PANK2: variants seen among roughly 807,000 people sequenced by gnomAD.
PANK2 encodes the protein pantothenate kinase 2, mitochondrial.
A neutral mutation model predicts 43.1 loss-of-function variants in PANK2; 36 were observed. That is an observed-to-expected ratio of 0.84 (90% CI 0.64 to 1.10). The LOEUF is 1.10. Among genes scored for constraint, PANK2 ranks in the 50% least tolerant of loss-of-function variants. The pLI is 0.00. For synonymous variants in PANK2, 281 were observed against 238.2 expected (o/e 1.18, Z -1.66); for missense variants, 576 against 593.3 (o/e 0.97, Z 0.30).
chr20:3,894,639 C>A (rs1289839896), intron 1 of PANK2, among the ~76,000 whole-genome samples: 1 of 151,464 alleles, frequency 6.6e-6, no homozygotes, highest in East Asian at 1.9e-4. Context: ...AGTGCAGTGG[C>A]AGGATTTTGG....
At position 3,925,843 on chromosome 20, in the gene PANK2, A is replaced by C. The variant is rs987406408; in HGVS notation, c.*2549A>C. 6.6e-6 allele frequency: 1 copy of C among 152,250 alleles called. No homozygotes were observed. Among genetic ancestry groups the C allele is most frequent in the African/African-American group, 2.4e-5 (1 of 41,416 alleles). 9.4% of individuals were successfully genotyped at this position (152,250 alleles called of 1,614,324 possible). A position where few individuals can be genotyped will look rare whatever the true frequency, so the allele number is the denominator to read the frequency against. On this transcript the variant is annotated 3_prime_UTR_variant, in exon 7 of 7. Transcript: ENST00000610179. The stretch of plus-strand genomic sequence containing the variant: ...CTGCATTTGTTGATCTCTGTGCAGC[A>C]GTGCCCACATCCTCATCCCAGCTTA...
At chr20:3,902,814 T>G (rs1330026717) in intron 1 of PANK2, among the ~76,000 whole-genome samples, 1 of 151,976 alleles carries the variant, frequency 6.6e-6, no homozygotes, top group Non-Finnish European at 1.5e-5. Context: ...TCTATTTGTT[T>G]TTTCTGTGCC....
intron 1 of PANK2, among the ~76,000 whole-genome samples, chr20:3,902,869 G>GT (rs1378601708): frequency 2.0e-5 from 3 of 151,434 alleles, no homozygotes; most frequent in Non-Finnish European, 2.9e-5. Flanking sequence ...TTTAGCAATT[G>GT]TTTTTTCTCT....
chr20:3,910,931 AGT>A, intron 3 of PANK2, 101 bp downstream of exon 3: 1 of 1,429,880 alleles, frequency 7.0e-7, no homozygotes, highest in Non-Finnish European at 9.8e-7. Context: ...GTTAGGTGAA[AGT>A]GTTTCTGGAT....
Position 3,910,766 on chromosome 20 carries a change from G to T in PANK2, c.841G>T (p.Gly281Cys). 1 of 1,614,090 alleles carries T rather than the reference G, an allele frequency of 6.2e-7. No homozygotes were observed. The highest frequency in any genetic ancestry group is 1.1e-5 in the South Asian group (1 of 91,070). ...GTATCCTCTGCTTCTGGTGAACATT[G>T]GCTCAGGGGTTAGCATCTTAGCAGT... Residue 281 changes from glycine (G) to cysteine (C), a missense_variant, in exon 3 of 7, where the codon GGC becomes TGC. By Grantham distance (159) the Gly-to-Cys change is radical (BLOSUM62 -3). This residue lies in a region of PANK2 where 544 missense variants were observed against 528.9 expected (regional missense o/e 1.03). Coordinates refer to ENST00000610179, the MANE Select transcript of PANK2 (RefSeq NM_001386393.1).
chr20:3,893,469 C>T (rs116736611), intron 1 of PANK2, among the ~76,000 whole-genome samples: 1 of 152,222 alleles, frequency 6.6e-6, no homozygotes, highest in African/African-American at 2.4e-5. Context: ...AACAAGAGAA[C>T]ATACATTTTT....
At chr20:3,903,002 C>G (rs1025953819) in intron 1 of PANK2, among the ~76,000 whole-genome samples, 1 of 151,308 alleles carries the variant, frequency 6.6e-6, no homozygotes, top group Non-Finnish European at 1.5e-5. Context: ...CACACACACA[C>G]ACACACACAC....
intron 4 of PANK2, among the ~76,000 whole-genome samples, chr20:3,913,496 A>G (rs541805328): frequency 1.8e-4 from 27 of 152,030 alleles, no homozygotes; most frequent in Middle Eastern, 3.4e-3. Context: ...GGCATGCGCC[A>G]CCAAGCCTGG....
chr20:3,916,860 A>C, intron 4 of PANK2, 67 bp from the exon 5 acceptor site: 2 of 1,603,856 alleles, frequency 1.2e-6, no homozygotes, highest in Non-Finnish European at 1.7e-6. Flanking sequence ...CAATAAAGTA[A>C]CATTCAAGTT....
intron 1 of PANK2, among the ~76,000 whole-genome samples, chr20:3,899,830 C>G (rs1315968675): frequency 6.6e-6 from 1 of 151,510 alleles, no homozygotes; most frequent in African/African-American, 2.4e-5. Flanking sequence ...GCCTCAGCCT[C>G]CCAAGTAGCT....
rs35978823 is a variant in PANK2 at position 3,896,229 on chromosome 20, A to ATT, written c.298+6522_298+6523dup. On this transcript the variant is annotated intron_variant, in intron 1 of 6. Coordinates refer to ENST00000610179, the MANE Select transcript of PANK2 (RefSeq NM_001386393.1). ...AGGTGCCCGCCACCACGCCTGGCTA[A>ATT]TTTTTTTTTTTTTTTTTTTTTTGTA... Among the ~76,000 whole-genome samples the ATT allele has an allele frequency of 1.2e-3, 135 of 111,928 alleles. No homozygotes were observed. In the East Asian group the frequency reaches 0.021, roughly 18 times the overall value. 73.4% of individuals were successfully genotyped at this position (111,928 alleles called of 152,430 possible). A position where few individuals can be genotyped will look rare whatever the true frequency, so the allele number is the denominator to read the frequency against.
At chr20:3,913,581 C>T (rs144524293) in intron 4 of PANK2, among the ~76,000 whole-genome samples, 32 of 151,932 alleles carry the variant, frequency 2.1e-4, no homozygotes, top group East Asian at 7.7e-4. Flanking sequence ...GGTGATCTGC[C>T]GCCTCAGCCT....
chr20:3,896,879 C>G (rs768393875), intron 1 of PANK2, among the ~76,000 whole-genome samples: 6 of 152,226 alleles, frequency 3.9e-5, no homozygotes, highest in Non-Finnish European at 7.3e-5. Flanking sequence ...GTGATCCAGT[C>G]TAGCAAATTA....
In PANK2 at chr20:3,910,786, A is replaced by G; in HGVS notation, c.861A>G (p.Leu287=). The G allele has an allele frequency of 6.2e-7, 1 of 1,614,176 alleles. No homozygotes were observed. Among genetic ancestry groups the G allele is most frequent in the Non-Finnish European group, 8.5e-7 (1 of 1,179,998 alleles). The change falls in exon 3 of 7, where the codon TTA becomes TTG. Residue 287 remains leucine, a synonymous_variant. Coordinates refer to ENST00000610179, the MANE Select transcript of PANK2 (RefSeq NM_001386393.1). Reference sequence around the variant, plus strand: ...ACATTGGCTCAGGGGTTAGCATCTTAGCAGTATATTCCAAAGATAATTACA... The same window carrying G: ...ACATTGGCTCAGGGGTTAGCATCTTGGCAGTATATTCCAAAGATAATTACA...
At chr20:3,912,423 T>C (rs758094288) in intron 3 of PANK2, 35 bp from the exon 4 acceptor site, 2 of 1,605,232 alleles carry the variant, frequency 1.2e-6, no homozygotes, top group Non-Finnish European at 1.7e-6. Flanking sequence ...TTTTTAAAAA[T>C]GTTATAATAC....
chr20:3,919,736 C>G (rs2090618998), intron 6 of PANK2, among the ~76,000 whole-genome samples: 1 of 151,908 alleles, frequency 6.6e-6, no homozygotes, highest in South Asian at 2.1e-4. Flanking sequence ...ACTATTCTTT[C>G]AACTGTTCTT....
chr20:3,910,339 T>C (rs1214227947), intron 2 of PANK2, among the ~76,000 whole-genome samples: 2 of 151,544 alleles, frequency 1.3e-5, no homozygotes, highest in East Asian at 1.9e-4. Context: ...GTCACACTTA[T>C]TCAGCTGCTG....
chr20:3,923,166 A>G, intron 6 of PANK2, 78 bp from the exon 7 acceptor site: 5 of 1,520,554 alleles, frequency 3.3e-6, no homozygotes, highest in Non-Finnish European at 4.6e-6. Context: ...GGTTGGCTTT[A>G]ACACTAGTCA....
chr20:3,912,888 T>C (rs891804715), intron 4 of PANK2, among the ~76,000 whole-genome samples: 5 of 119,366 alleles, frequency 4.2e-5, no homozygotes, highest in African/African-American at 1.6e-4. Flanking sequence ...AGGTGGAGGG[T>C]GCGGTGAGCT....
Sources: gnomAD v4.1 joint callset for allele counts (sites outside exome capture counted in the v4.1 genomes callset) on GRCh38, gnomAD v4.1.1 for gene constraint, gnomAD v4.1.1 regional missense constraint, MANE v1.5 for transcripts, NCBI Gene and HGNC (gene_info 2026-07-23, HGNC 2026-07-21) for gene names.